The following CALN1 variants were observed in gnomAD, a reference collection of about 807,000 sequenced individuals.
CALN1 encodes the protein calneuron 1.
A neutral mutation model predicts 30.6 loss-of-function variants in CALN1; 17 were observed. The observed-to-expected ratio is 0.56, with a 90% CI of 0.38 to 0.83. The LOEUF is 0.83. Ranked by LOEUF, CALN1 falls within the 40% of genes least tolerant of loss-of-function variation. CALN1 has a pLI of 0.00. For missense variants in CALN1, 291 were observed against 354.9 expected, an observed-to-expected ratio of 0.82 and a Z score of 1.45; for synonymous variants, 156 against 131.4, an observed-to-expected ratio of 1.19 and a Z score of -1.28.
intron 3 of CALN1, among the ~76,000 whole-genome samples, chr7:72,119,221 C>T (rs767099125): frequency 4.1e-4 from 63 of 152,018 alleles, no homozygotes; most frequent in Non-Finnish European, 7.2e-4. Context: ...GTTTAATTGA[C>T]TTACAGTTCC....
intron 2 of CALN1, among the ~76,000 whole-genome samples, chr7:72,301,467 G>C (rs1799255568): frequency 6.6e-6 from 1 of 151,970 alleles, no homozygotes; most frequent in Admixed American, 6.6e-5. Flanking sequence ...AATTAGCCTG[G>C]CTTGGTGGCG....
intron 5 of CALN1, among the ~76,000 whole-genome samples, chr7:71,874,476 C>T (rs1399583480): frequency 6.6e-6 from 1 of 152,026 alleles, no homozygotes; most frequent in African/African-American, 2.4e-5. Context: ...TGTCCTTTTG[C>T]TAGGTTCACA....
At chr7:72,132,610 G>A (rs35585314) in intron 3 of CALN1, among the ~76,000 whole-genome samples, 14,970 of 152,026 alleles carry the variant, frequency 0.098, 1,291 homozygotes, top group East Asian at 0.39. Flanking sequence ...GTTTCTCGCC[G>A]GCAGCTGCAC....
chr7:72,413,807 CTT>C (rs1382237505), upstream of CALN1, among the ~76,000 whole-genome samples: 2 of 151,882 alleles, frequency 1.3e-5, no homozygotes, highest in Non-Finnish European at 2.9e-5. Context: ...AACATTCCCA[CTT>C]ATGCATTCAC....
chr7:72,389,185 CT>C lies in CALN1; in HGVS notation c.119+14065del, dbSNP rs536484576. 1.3e-3 allele frequency among the ~76,000 whole-genome samples: 197 copies of C among 152,266 alleles called. 2 individuals carry two copies. Among genetic ancestry groups the C allele is most frequent in the African/African-American group, 4.5e-3 (185 of 41,568 alleles). On this transcript the variant is annotated intron_variant, in intron 2 of 6. Transcript: ENST00000395275. ...CCATGGCGGGGCAACGCAGGAGCCC[CT>C]GTCCCTGGTATTCACATCAAACACC...
At chr7:72,280,371 A>T (rs1797655364) in intron 2 of CALN1, among the ~76,000 whole-genome samples, 1 of 152,190 alleles carries the variant, frequency 6.6e-6, no homozygotes, top group South Asian at 2.1e-4. Context: ...CATCCACAGA[A>T]CAATTGCAAA....
At chr7:71,836,138 G>A (rs1375876235) in intron 5 of CALN1, among the ~76,000 whole-genome samples, 1 of 152,164 alleles carries the variant, frequency 6.6e-6, no homozygotes, top group Non-Finnish European at 1.5e-5. Flanking sequence ...ATTTCCTCTA[G>A]AAGCAGAGCC....
At chr7:72,205,908 C>T (rs28373306) in intron 3 of CALN1, among the ~76,000 whole-genome samples, 3,614 of 152,064 alleles carry the variant, frequency 0.024, 142 homozygotes, top group African/African-American at 0.082. Context: ...ATACACTTCC[C>T]CAATCATGTT....
intron 4 of CALN1, among the ~76,000 whole-genome samples, chr7:72,089,053 CAAGAT>C (rs1176796492): frequency 5.3e-5 from 8 of 151,834 alleles, no homozygotes; most frequent in Admixed American, 6.6e-5. Context: ...GATATAGAGA[CAAGAT>C]AAGTGTTTCT....
the CALN1 span, among the ~76,000 whole-genome samples, chr7:72,501,948 T>TATATATATATATATATATATATATAC: frequency 1.4e-5 from 1 of 72,366 alleles, no homozygotes; most frequent in African/African-American, 7.3e-5. Context: ...TATATATATA[T>TATATATATATATATATATATATATAC]ACACACATAT....
At chr7:72,440,206 G>C (rs771741808) in intron 1 of CALN1, among the ~76,000 whole-genome samples, 3 of 152,202 alleles carry the variant, frequency 2.0e-5, no homozygotes, top group Non-Finnish European at 4.4e-5. Flanking sequence ...CTGGGGTGCA[G>C]ACCATGTCCT....
intron 4 of CALN1, among the ~76,000 whole-genome samples, chr7:72,088,831 A>G (rs1484675441): frequency 6.6e-6 from 1 of 151,840 alleles, no homozygotes; most frequent in Non-Finnish European, 1.5e-5. Flanking sequence ...TATCTAACCC[A>G]TTTGTTTATG....
At chr7:72,059,126 C>T (rs1431534427) in intron 4 of CALN1, among the ~76,000 whole-genome samples, 3 of 152,182 alleles carry the variant, frequency 2.0e-5, no homozygotes, top group Admixed American at 6.5e-5. Context: ...CCTTTTAAAT[C>T]GTCAGTTTCA....
chr7:71,793,357 T>C lies in CALN1; in HGVS notation c.659-5455A>G, dbSNP rs555880460. On this transcript the variant is annotated intron_variant, in intron 6 of 6. Coordinates refer to ENST00000395275, the MANE Select transcript of CALN1 (RefSeq NM_031468.4). ...AGGAGCTTCTAGATCATTAGTGGAT[T>C]GTAGCAGCTCTGAAATAGACCTTAG... Among the ~76,000 whole-genome samples the C allele has an allele frequency of 3.3e-4, 51 of 152,256 alleles. 1 individual carries two copies. The South Asian group carries it at 9.3e-3, about 28-fold the overall frequency.
the CALN1 span, among the ~76,000 whole-genome samples, chr7:72,454,166 G>A: frequency 1.3e-5 from 2 of 152,130 alleles, no homozygotes; most frequent in East Asian, 1.9e-4. Context: ...GGAATTGGAA[G>A]GCCTCAATTC....
At chr7:72,100,981 TGAGACGGA>T (rs1214743209) in intron 4 of CALN1, among the ~76,000 whole-genome samples, 1 of 151,892 alleles carries the variant, frequency 6.6e-6, no homozygotes, top group African/African-American at 2.4e-5. Context: ...GTTTGTTTTT[TGAGACGGA>T]GTCTTGCTTT....
At chr7:72,459,302 C>G in the CALN1 span, among the ~76,000 whole-genome samples, 1 of 152,190 alleles carries the variant, frequency 6.6e-6, no homozygotes, top group African/African-American at 2.4e-5. Flanking sequence ...AAAATGTCAA[C>G]AACCTGTAGC....
the CALN1 span, among the ~76,000 whole-genome samples, chr7:72,484,949 G>A: frequency 4.6e-5 from 7 of 152,028 alleles, no homozygotes; most frequent in Middle Eastern, 3.2e-3. Context: ...TCTGATCTCT[G>A]TTCTTTTACC....
chr7:72,124,140 C>T (rs1808578767), intron 3 of CALN1, among the ~76,000 whole-genome samples: 1 of 152,158 alleles, frequency 6.6e-6, no homozygotes, highest in African/African-American at 2.4e-5. Context: ...AGACAGCGAC[C>T]TGGCTCAGAG....
Sources: allele counts gnomAD v4.1 joint callset (sites outside exome capture counted in the v4.1 genomes callset), GRCh38; gene constraint gnomAD v4.1.1; transcripts MANE v1.5; gene names NCBI Gene and HGNC (gene_info 2026-07-23, HGNC 2026-07-21).